The following IPO11 variants were observed in gnomAD, a reference collection of about 807,000 sequenced individuals.
IPO11 encodes the protein importin-11.
IPO11 carries 66 observed loss-of-function variants against 143.2 expected under a neutral mutation model. The ratio of observed to expected loss-of-function variants is 0.46; its 90% confidence interval spans 0.38 to 0.57. The LOEUF is 0.57. Among genes scored for constraint, IPO11 ranks in the 20% least tolerant of loss-of-function variants. The pLI is 0.00. For missense variants in IPO11, 1,026 were observed against 1,141.0 expected (o/e 0.90, Z 1.45); for synonymous variants, 385 against 377.8 (o/e 1.02, Z -0.22).
chr5:62,561,926 T>C (rs1471904775), intron 27 of IPO11: 1 of 152,236 alleles, frequency 6.6e-6, no homozygotes, highest in Non-Finnish European at 1.5e-5. Context: ...TACAGCTTCA[T>C]TGGTGACTCT....
At chr5:62,469,903 C>T (rs761756477) in intron 6 of IPO11, among the ~76,000 whole-genome samples, 6 of 152,006 alleles carry the variant, frequency 3.9e-5, no homozygotes, top group Non-Finnish European at 8.8e-5. Context: ...TTTTGGTTAC[C>T]GTTGAGTCAT....
chr5:62,501,826 T>A (rs377192451), intron 16 of IPO11, among the ~76,000 whole-genome samples: 1 of 152,226 alleles, frequency 6.6e-6, no homozygotes, highest in East Asian at 1.9e-4. Context: ...TATGAAATCA[T>A]AATTTTATTT....
At chr5:62,620,388 G>A (rs939608896) in intron 29 of IPO11, among the ~76,000 whole-genome samples, 4 of 151,980 alleles carry the variant, frequency 2.6e-5, no homozygotes, top group Admixed American at 1.3e-4. Context: ...GTGTGGTGGC[G>A]GGTGCCTGTA....
chr5:62,439,284 G>GTTTTT lies in IPO11; in HGVS notation c.138+1886_138+1890dup, dbSNP rs1226593063. ...CTTATTAATAATACTAACTGCGTAGGTTTTTTTTTTTTTTTTTTTTTTTGA... is the reference window on the plus strand; with the variant it reads ...CTTATTAATAATACTAACTGCGTAGGTTTTTTTTTTTTTTTTTTTTTTTTTTTTGA... On this transcript the variant is annotated intron_variant, in intron 2 of 29. Coordinates refer to ENST00000325324, the MANE Select transcript of IPO11 (RefSeq NM_016338.5). Among the ~76,000 whole-genome samples the GTTTTT allele has an allele frequency of 9.6e-4, 87 of 90,944 alleles. 1 individual carries two copies. The highest frequency in any genetic ancestry group is 1.4e-3 in the African/African-American group (32 of 22,568). 59.7% of individuals were successfully genotyped at this position (90,944 alleles called of 152,430 possible).
At chr5:62,443,348 C>T (rs1007942770) in intron 3 of IPO11, 1 of 306,462 alleles carries the variant, frequency 3.3e-6, no homozygotes, top group South Asian at 7.2e-5. Flanking sequence ...AAATCAACAG[C>T]TATATTATTG....
At chr5:62,460,789 A>T (rs1745330566) in intron 5 of IPO11, among the ~76,000 whole-genome samples, 1 of 152,162 alleles carries the variant, frequency 6.6e-6, no homozygotes, top group Non-Finnish European at 1.5e-5. Context: ...TGTCTCACTG[A>T]ATATTCCTTC....
At chr5:62,452,939 G>C (rs247477) in intron 5 of IPO11, among the ~76,000 whole-genome samples, 13,935 of 150,324 alleles carry the variant, frequency 0.093, 1,011 homozygotes, top group East Asian at 0.14. Flanking sequence ...TTTTTTTAGA[G>C]ATGAAGTCTC....
intron 28 of IPO11, among the ~76,000 whole-genome samples, chr5:62,598,490 C>T (rs1580370907): frequency 8.6e-4 from 4 of 4,640 alleles, no homozygotes; most frequent in Non-Finnish European, 1.3e-3. Context: ...CTCTCTCTCT[C>T]TCTCTTTCTT....
rs12187554 is a variant in IPO11, at chr5:62,460,006, T to C, written c.517-7125T>C. Among the ~76,000 whole-genome samples, 555 of 152,384 alleles carry C rather than the reference T, an allele frequency of 3.6e-3. 4 individuals carry two copies. Among genetic ancestry groups the C allele is most frequent in the Non-Finnish European group, 5.6e-3 (378 of 68,036 alleles). On this transcript the variant is annotated intron_variant, in intron 5 of 29. Coordinates refer to ENST00000325324, the MANE Select transcript of IPO11 (RefSeq NM_016338.5). ...CCATGTAACTATTACCTAGATCTAA[T>C]AGTCAACATTTTGCTGTTTTTGCTT...
intron 29 of IPO11, among the ~76,000 whole-genome samples, chr5:62,612,396 G>A (rs759910762): frequency 6.6e-6 from 1 of 152,110 alleles, no homozygotes; most frequent in Non-Finnish European, 1.5e-5. Context: ...TATCCAAAAT[G>A]GTCAGCAAAG....
At chr5:62,472,580 T>C (rs1186390561) in intron 7 of IPO11, among the ~76,000 whole-genome samples, 2 of 148,218 alleles carry the variant, frequency 1.3e-5, no homozygotes, top group East Asian at 4.0e-4. Flanking sequence ...CAGGCTGGAG[T>C]GCAATGGCGT....
intron 1 of IPO11, among the ~76,000 whole-genome samples, chr5:62,420,506 GAT>G (rs1743474643): frequency 6.6e-6 from 1 of 151,884 alleles, no homozygotes; most frequent in South Asian, 2.1e-4. Context: ...GTCACTATGT[GAT>G]AGGAATTTTA....
At chr5:62,491,759 G>A (rs995423447) in intron 15 of IPO11, among the ~76,000 whole-genome samples, 5 of 149,362 alleles carry the variant, frequency 3.3e-5, no homozygotes, top group African/African-American at 1.2e-4. Context: ...TCTGCCTCCC[G>A]GGTTCATGCC....
intron 20 of IPO11, among the ~76,000 whole-genome samples, chr5:62,521,339 G>A (rs1165798808): frequency 6.6e-6 from 1 of 152,184 alleles, no homozygotes; most frequent in East Asian, 1.9e-4. Context: ...TTGATTAGTA[G>A]TTTGGCTGGT....
At chr5:62,436,567 G>A (rs560275816) in intron 1 of IPO11, among the ~76,000 whole-genome samples, 2 of 152,242 alleles carry the variant, frequency 1.3e-5, no homozygotes, top group African/African-American at 4.8e-5. Flanking sequence ...ACAGAATCCC[G>A]GAGAATTCAA....
chr5:62,440,023 TTCCCA>T (rs1161554471), intron 2 of IPO11, among the ~76,000 whole-genome samples: 1 of 152,222 alleles, frequency 6.6e-6, no homozygotes, highest in Admixed American at 6.5e-5. Context: ...TTCCACAATA[TTCCCA>T]CATTACTTCC....
intron 19 of IPO11, among the ~76,000 whole-genome samples, chr5:62,511,940 T>C (rs1458258741): frequency 6.6e-6 from 1 of 151,834 alleles, no homozygotes; most frequent in East Asian, 1.9e-4. Context: ...GTAACAGCCA[T>C]GGTCTCAAAC....
intron 1 of IPO11, among the ~76,000 whole-genome samples, chr5:62,429,598 G>GTGTGTGTGTA (rs1484915149): frequency 1.5e-5 from 2 of 136,846 alleles, no homozygotes; most frequent in African/African-American, 6.8e-5. Flanking sequence ...GTGTGTGTGT[G>GTGTGTGTGTA]TGTGTGTGTG....
chr5:62,556,961 T>C (rs886687771), intron 26 of IPO11, among the ~76,000 whole-genome samples: 10 of 152,204 alleles, frequency 6.6e-5, no homozygotes, highest in African/African-American at 2.2e-4. Flanking sequence ...AAACTTCTAC[T>C]TGATGAGGGC....
Sources: allele counts gnomAD v4.1 joint callset (sites outside exome capture counted in the v4.1 genomes callset), GRCh38; gene constraint gnomAD v4.1.1; transcripts MANE v1.5; gene names NCBI Gene and HGNC (gene_info 2026-07-23, HGNC 2026-07-21).